The following RHOJ variants were observed in gnomAD, a reference collection of about 807,000 sequenced individuals.
RHOJ encodes ras homolog family member J.
Under a neutral mutation model 23.4 loss-of-function variants are expected in RHOJ, and 11 were observed. The ratio of observed to expected loss-of-function variants is 0.47; its 90% confidence interval spans 0.30 to 0.78. The LOEUF (loss-of-function observed/expected upper bound fraction) is 0.78. RHOJ is among the 30% of genes least tolerant of loss of function. The pLI, the probability that RHOJ is intolerant of heterozygous loss-of-function variation, is 0.08. For synonymous variants in RHOJ, 102 were observed against 102.7 expected (o/e 0.99, Z 0.04); for missense variants, 254 against 273.4 (o/e 0.93, Z 0.50).
At chr14:63,219,746 G>T (rs1365695475) in intron 1 of RHOJ, among the ~76,000 whole-genome samples, 1 of 151,846 alleles carries the variant, frequency 6.6e-6, no homozygotes, top group African/African-American at 2.4e-5. Context: ...AACCCAGGAG[G>T]CGGAGGTTGC....
At chr14:63,251,127 A>G (rs1435668528) in intron 1 of RHOJ, among the ~76,000 whole-genome samples, 1 of 152,184 alleles carries the variant, frequency 6.6e-6, no homozygotes, top group Admixed American at 6.5e-5. Flanking sequence ...GTCCTGTTTT[A>G]TATTTTCCTA....
intron 1 of RHOJ, among the ~76,000 whole-genome samples, chr14:63,214,005 T>C (rs1429746795): frequency 1.3e-5 from 2 of 152,164 alleles, no homozygotes; most frequent in Non-Finnish European, 2.9e-5. Flanking sequence ...AATAGACACT[T>C]AGTCATCTTC....
Position 63,237,859 on chromosome 14 carries a change from G to C in RHOJ, c.179-31251G>C, listed in dbSNP as rs148904387. ...GTTATCACAGCACAGTGAGACAAAG[G>C]GATTTTTCACATGCTTCTCTTTCTT... On this transcript the variant is annotated intron_variant, in intron 1 of 4. Coordinates refer to ENST00000316754, the MANE Select transcript of RHOJ (RefSeq NM_020663.5). Among the ~76,000 whole-genome samples, 1,427 of 152,224 alleles carry C rather than the reference G, an allele frequency of 9.4e-3. 30 individuals are homozygous for C. The highest frequency in any genetic ancestry group is 0.032 in the African/African-American group (1,314 of 41,546).
At chr14:63,209,204 A>T (rs1349160051) in intron 1 of RHOJ, among the ~76,000 whole-genome samples, 3 of 152,020 alleles carry the variant, frequency 2.0e-5, no homozygotes, top group Non-Finnish European at 2.9e-5. Context: ...CCCTACTTCC[A>T]ATCTTGCCCC....
intron 1 of RHOJ, among the ~76,000 whole-genome samples, chr14:63,259,778 G>T (rs1438519912): frequency 6.6e-6 from 1 of 152,010 alleles, no homozygotes; most frequent in Non-Finnish European, 1.5e-5. Context: ...AAAAAATAAG[G>T]TTACGTTATT....
At chr14:63,242,398 C>A (rs1894898580) in intron 1 of RHOJ, among the ~76,000 whole-genome samples, 1 of 152,152 alleles carries the variant, frequency 6.6e-6, no homozygotes, top group Admixed American at 6.6e-5. Flanking sequence ...AAGACCTCAT[C>A]TCTATTTTTA....
intron 1 of RHOJ, among the ~76,000 whole-genome samples, chr14:63,220,241 A>C (rs1555344725): frequency 6.6e-6 from 1 of 152,094 alleles, no homozygotes; most frequent in South Asian, 2.1e-4. Context: ...TTTAATCCCC[A>C]TTCTTTGTTC....
intron 1 of RHOJ, among the ~76,000 whole-genome samples, chr14:63,243,343 T>G (rs1566616073): frequency 6.6e-6 from 1 of 152,088 alleles, no homozygotes. Context: ...ACATTTCTTT[T>G]TTGTTGTTGT....
chr14:63,245,202 C>A (rs1894955362), intron 1 of RHOJ, among the ~76,000 whole-genome samples: 1 of 152,102 alleles, frequency 6.6e-6, no homozygotes, highest in Admixed American at 6.6e-5. Flanking sequence ...AACTTCAACT[C>A]TTTCAGTGCT....
intron 1 of RHOJ, among the ~76,000 whole-genome samples, chr14:63,247,960 A>C (rs2356159): frequency 0.12 from 17,488 of 152,056 alleles, 1,234 homozygotes; most frequent in African/African-American, 0.19. Flanking sequence ...GCCTTATAAA[A>C]CCATCAGATC....
intron 3 of RHOJ, among the ~76,000 whole-genome samples, chr14:63,282,479 A>G (rs1211047717): frequency 6.6e-6 from 1 of 152,148 alleles, no homozygotes; most frequent in Non-Finnish European, 1.5e-5. Flanking sequence ...ATATGTAATT[A>G]AATTATCAAA....
At chr14:63,247,202 T>C (rs1894991527) in intron 1 of RHOJ, among the ~76,000 whole-genome samples, 1 of 152,060 alleles carries the variant, frequency 6.6e-6, no homozygotes, top group African/African-American at 2.4e-5. Context: ...AATACACAAG[T>C]TTTCTCAGTG....
rs1252325987 is a variant in RHOJ at position 63,291,658 on chromosome 14, G to C, written c.*634G>C. 1 of 155,578 alleles carries C rather than the reference G, an allele frequency of 6.4e-6. No homozygotes were observed. Among genetic ancestry groups the C allele is most frequent in the South Asian group, 2.0e-4 (1 of 5,116 alleles). The allele number at this position is 155,578 out of a possible 1,614,324, so 9.6% of individuals were successfully genotyped here. ...ACCTCTGAATGCCCGATTATAAGAAGACATGAGAAGACTTTAAAAGTTTTG... is the reference window on the plus strand; with the variant it reads ...ACCTCTGAATGCCCGATTATAAGAACACATGAGAAGACTTTAAAAGTTTTG... On this transcript the variant is annotated 3_prime_UTR_variant, in exon 5 of 5. Coordinates refer to ENST00000316754, the MANE Select transcript of RHOJ (RefSeq NM_020663.5).
At position 63,235,087 on chromosome 14, in the gene RHOJ, C is replaced by G. The variant is rs189961125; in HGVS notation, c.178+30040C>G. Among the ~76,000 whole-genome samples, 149 of 152,094 alleles carry G rather than the reference C, an allele frequency of 9.8e-4. 1 individual carries two copies. The highest frequency in any genetic ancestry group is 3.2e-3 in the African/African-American group (134 of 41,502). On this transcript the variant is annotated intron_variant, in intron 1 of 4. Transcript: ENST00000316754. Reference sequence around the variant, plus strand: ...AAGCACTTTGGTGACTATCTCTTTACTAATATGCCAAACTAAGTTCTCGGG... The same window carrying G: ...AAGCACTTTGGTGACTATCTCTTTAGTAATATGCCAAACTAAGTTCTCGGG...
intron 1 of RHOJ, among the ~76,000 whole-genome samples, chr14:63,216,010 T>C (rs1894347760): frequency 1.3e-5 from 2 of 152,188 alleles, no homozygotes; most frequent in Non-Finnish European, 2.9e-5. Flanking sequence ...ATGTTGAAAT[T>C]ATTTTATCCT....
chr14:63,290,856 C>T lies in RHOJ; in HGVS notation c.499-22C>T, dbSNP rs371966868. 1.9e-5 allele frequency: 31 copies of T among 1,591,724 alleles called. No homozygotes were observed. In the African/African-American group the frequency reaches 3.9e-4, roughly 20 times the overall value. On this transcript the variant is annotated intron_variant, in intron 4 of 4. Coordinates refer to ENST00000316754, the MANE Select transcript of RHOJ (RefSeq NM_020663.5). ...TTTCTCTCTTTTTTATCTCTCATGC[C>T]TTTCTCTCTTTTGTGTTTAAGATCG...
intron 2 of RHOJ, among the ~76,000 whole-genome samples, chr14:63,273,041 T>G (rs978490008): frequency 1.3e-5 from 2 of 152,132 alleles, no homozygotes. Context: ...AAAGAGAGTT[T>G]ATAATGAAGT....
intron 2 of RHOJ, among the ~76,000 whole-genome samples, chr14:63,278,944 C>T (rs1436247785): frequency 6.6e-6 from 1 of 152,098 alleles, no homozygotes; most frequent in Non-Finnish European, 1.5e-5. Context: ...CATGATCACG[C>T]CATTGCACTC....
At position 63,269,175 on chromosome 14, in the gene RHOJ, T is replaced by C; in HGVS notation, c.237+7T>C. On this transcript the variant is annotated splice_region_variant and intron_variant, in intron 2 of 4. Transcript: ENST00000316754. ...GTATGACACCGCGGGACAGGTACAT[T>C]TTTATTATCTTGATTCATTGGAGGG... The C allele has an allele frequency of 6.2e-7, 1 of 1,607,372 alleles. No homozygotes were observed. The highest frequency in any genetic ancestry group is 8.5e-7 in the Non-Finnish European group (1 of 1,173,936).
Sources: allele counts gnomAD v4.1 joint callset (sites outside exome capture counted in the v4.1 genomes callset), GRCh38; gene constraint gnomAD v4.1.1; transcripts MANE v1.5; gene names NCBI Gene and HGNC (gene_info 2026-07-23, HGNC 2026-07-21).